ANKFN1: variants seen among roughly 807,000 people sequenced by gnomAD.
ANKFN1 encodes the protein ankyrin repeat and fibronectin type III domain containing 1, also known as ankyrin repeat and fibronectin type-III domain-containing protein 1.
ANKFN1 carries 74 observed loss-of-function variants against 108.7 expected under a neutral mutation model. The observed-to-expected ratio is 0.68, with a 90% CI of 0.56 to 0.83. ANKFN1 has a LOEUF of 0.83. Among genes scored for constraint, ANKFN1 ranks in the 40% least tolerant of loss-of-function variants. ANKFN1 has a pLI of 0.00. For synonymous variants in ANKFN1, 547 were observed against 516.2 expected (o/e 1.06, Z -0.81); for missense variants, 1,505 against 1,382.3 (o/e 1.09, Z -1.41).
rs1260133522 is a variant in ANKFN1 at position 56,211,533 on chromosome 17, G to A, written c.-70-1065G>A. On this transcript the variant is annotated intron_variant, in intron 1 of 20. Coordinates refer to ENST00000682825, the MANE Select transcript of ANKFN1 (RefSeq NM_001370326.1). ...GCTTTATACTATAGTTTGAAGTCAG[G>A]TAATGTAATATCTCCAGACTTGTTC... Among the ~76,000 whole-genome samples the A allele has an allele frequency of 2.0e-5, 3 of 152,270 alleles. No individual in the cohort carries two copies. In the East Asian group the frequency reaches 5.8e-4, roughly 29 times the overall value.
chr17:56,451,818 G>A (rs1236668259), intron 11 of ANKFN1, among the ~76,000 whole-genome samples: 1 of 152,198 alleles, frequency 6.6e-6, no homozygotes, highest in East Asian at 1.9e-4. Flanking sequence ...TAGAATTGAA[G>A]TGTAATTGGT....
At chr17:56,153,467 C>G (rs772439298), upstream of ANKFN1, 13 of 1,613,282 alleles carry the variant, frequency 8.1e-6, no homozygotes, top group East Asian at 2.7e-4. Context: ...CCCTCCACCC[C>G]CCAGGTCCTC....
chr17:56,408,563 A>G (rs2047992294), intron 8 of ANKFN1, among the ~76,000 whole-genome samples: 1 of 152,226 alleles, frequency 6.6e-6, no homozygotes, highest in Admixed American at 6.5e-5. Flanking sequence ...CTCAAAAACT[A>G]CATTCAACTC....
intron 1 of ANKFN1, among the ~76,000 whole-genome samples, chr17:56,160,724 A>G (rs1406807294): frequency 6.6e-6 from 1 of 152,218 alleles, no homozygotes; most frequent in Non-Finnish European, 1.5e-5. Context: ...ATGAAATCCC[A>G]TTGTAATGAA....
intron 20 of ANKFN1, among the ~76,000 whole-genome samples, chr17:56,505,364 T>C (rs923251220): frequency 3.3e-5 from 5 of 152,236 alleles, no homozygotes; most frequent in East Asian, 3.8e-4. Context: ...GAGCCTTCTA[T>C]GTACCATTTA....
At chr17:56,448,437 T>C (rs1431944303) in intron 10 of ANKFN1, among the ~76,000 whole-genome samples, 5 of 152,352 alleles carry the variant, frequency 3.3e-5, no homozygotes, top group Non-Finnish European at 4.4e-5. Flanking sequence ...ATTTGCCTTG[T>C]AAGCTAATAC....
chr17:56,268,399 C>A (rs1003362240), intron 3 of ANKFN1, among the ~76,000 whole-genome samples: 4 of 152,124 alleles, frequency 2.6e-5, no homozygotes, highest in African/African-American at 9.7e-5. Context: ...AAAGACACAA[C>A]ATACCAGAAT....
At chr17:56,243,558 A>C (rs1050026857) in intron 3 of ANKFN1, among the ~76,000 whole-genome samples, 1 of 152,118 alleles carries the variant, frequency 6.6e-6, no homozygotes, top group Non-Finnish European at 1.5e-5. Flanking sequence ...TAGTAAGCCC[A>C]TCTTCAGATA....
chr17:56,510,706 C>T lies in ANKFN1; in HGVS notation c.2878C>T (p.Pro960Ser), dbSNP rs1867165. The T allele has an allele frequency of 1.9e-4, 295 of 1,536,148 alleles. 1 individual carries two copies. The African/African-American group carries it at 3.7e-3, about 19-fold the overall frequency. The change falls in exon 21 of 21, where the codon CCA (proline) becomes TCA (serine). Residue 960 changes from proline (P) to serine (S), a missense_variant. Coordinates refer to ENST00000682825, the MANE Select transcript of ANKFN1 (RefSeq NM_001370326.1). ...GPGQDPQGEG[P>S]NPDHSCAEFL... Reference sequence around the variant, plus strand: ...GGGCCAGGATCCCCAGGGCGAGGGCCCAAATCCCGATCACTCATGTGCCGA... The same window carrying T: ...GGGCCAGGATCCCCAGGGCGAGGGCTCAAATCCCGATCACTCATGTGCCGA...
At chr17:56,307,353 T>TCTA (rs1199664652) in intron 3 of ANKFN1, among the ~76,000 whole-genome samples, 1 of 152,140 alleles carries the variant, frequency 6.6e-6, no homozygotes, top group Non-Finnish European at 1.5e-5. Flanking sequence ...ATATCCAGAA[T>TCTA]CTACAATGAA....
intron 6 of ANKFN1, among the ~76,000 whole-genome samples, chr17:56,358,142 G>A (rs572545142): frequency 3.9e-5 from 6 of 152,244 alleles, no homozygotes; most frequent in African/African-American, 1.4e-4. Context: ...TCAAAGCAGA[G>A]TGCAGACTCC....
intron 3 of ANKFN1, among the ~76,000 whole-genome samples, chr17:56,234,780 A>G (rs912498983): frequency 2.6e-5 from 4 of 152,010 alleles, no homozygotes; most frequent in Admixed American, 6.6e-5. Context: ...GATTCCATAT[A>G]ATTACTATTG....
chr17:56,440,254 T>A, intron 8 of ANKFN1, 73 bp from the exon 9 acceptor site: 1 of 876,616 alleles, frequency 1.1e-6, no homozygotes, highest in South Asian at 1.6e-5. Flanking sequence ...AGAGTTTCTA[T>A]GGTACTTCTT....
At chr17:56,064,150 C>T (rs753134282) in intron 4 of ANKFN1, among the ~76,000 whole-genome samples, 4 of 152,156 alleles carry the variant, frequency 2.6e-5, no homozygotes, top group Non-Finnish European at 5.9e-5. Context: ...AACCTGATGC[C>T]AGTAGAATCA....
chr17:56,257,054 G>C (rs1482687208), intron 3 of ANKFN1, among the ~76,000 whole-genome samples: 1 of 152,168 alleles, frequency 6.6e-6, no homozygotes, highest in African/African-American at 2.4e-5. Flanking sequence ...TTAACTGTGG[G>C]TTATTGATTT....
intron 8 of ANKFN1, among the ~76,000 whole-genome samples, chr17:56,429,150 A>G (rs892125225): frequency 7.9e-5 from 12 of 152,238 alleles, no homozygotes; most frequent in African/African-American, 2.9e-4. Flanking sequence ...ACAAGTAAGT[A>G]AAGAAAGAAA....
chr17:56,094,660 C>G (rs1905491350), intron 4 of ANKFN1, among the ~76,000 whole-genome samples: 2 of 139,642 alleles, frequency 1.4e-5, no homozygotes, highest in African/African-American at 5.2e-5. Flanking sequence ...CACACCACCA[C>G]GCCCAGCTAA....
At chr17:56,145,801 A>G (rs1021504466) in intron 4 of ANKFN1, among the ~76,000 whole-genome samples, 1 of 152,162 alleles carries the variant, frequency 6.6e-6, no homozygotes, top group African/African-American at 2.4e-5. Context: ...CATTAACTCA[A>G]AAGTCCACAG....
At chr17:56,324,117 A>T (rs1198065179) in intron 3 of ANKFN1, among the ~76,000 whole-genome samples, 1 of 152,220 alleles carries the variant, frequency 6.6e-6, no homozygotes, top group Non-Finnish European at 1.5e-5. Context: ...AGCATGTCCA[A>T]GGAACTAAGA....
Sources: allele counts gnomAD v4.1 joint callset (sites outside exome capture counted in the v4.1 genomes callset), GRCh38; gene constraint gnomAD v4.1.1; transcripts MANE v1.5; gene names NCBI Gene and HGNC (gene_info 2026-07-23, HGNC 2026-07-21).